Variants in UBN1 observed in about 807,000 individuals in gnomAD.
UBN1 encodes the protein ubinuclein 1, also known as ubinuclein-1.
In UBN1, 17 loss-of-function variants were observed where a neutral mutation model predicts 108.5. The ratio of observed to expected loss-of-function variants is 0.16; its 90% CI spans 0.11 to 0.24. The LOEUF is 0.24. Among genes scored for constraint, UBN1 ranks in the 10% least tolerant of loss-of-function variants. The pLI, the probability that UBN1 is intolerant of heterozygous loss-of-function variation, is 1.00. For missense variants in UBN1, 1,595 were observed against 1,394.4 expected, an observed-to-expected ratio of 1.14 and a Z score of -2.29; for synonymous variants, 726 against 564.2, an observed-to-expected ratio of 1.29 and a Z score of -4.07.
At chr16:4,868,796 A>C in intron 7 of UBN1, 37 bp from the exon 8 acceptor site, 1 of 1,607,718 alleles carries the variant, frequency 6.2e-7, no homozygotes, top group Non-Finnish European at 8.5e-7. Context: ...ATGTGGGGAA[A>C]GTGCACTAAC....
Position 4,874,969 on chromosome 16 carries a change from C to T in UBN1, c.2559C>T (p.Gly853=), listed in dbSNP as rs1460370024. Residue 853 remains glycine, a synonymous_variant, in exon 15 of 18, where the codon GGC becomes GGT. Transcript: ENST00000262376. ...TGAAGACAGCGGCCAAAGGCCAGGGCTTCCATCCCTCTGCACCAGCCACCT... is the reference window on the plus strand; with the variant it reads ...TGAAGACAGCGGCCAAAGGCCAGGGTTTCCATCCCTCTGCACCAGCCACCT... ...QLVKTAAKGQ[G]FHPSAPATSG... is the part of the protein sequence containing the mutation. The T allele has an allele frequency of 5.6e-6, 9 of 1,614,062 alleles. No individual in the cohort carries two copies. The highest frequency in any genetic ancestry group is 7.6e-6 in the Non-Finnish European group (9 of 1,180,050).
At chr16:4,870,176 A>G in intron 8 of UBN1, 36 bp from the exon 9 acceptor site, 1 of 1,613,126 alleles carries the variant, frequency 6.2e-7, no homozygotes, top group Non-Finnish European at 8.5e-7. Context: ...AGTTGCAGTG[A>G]GCTGCAGCCG....
Position 4,861,044 on chromosome 16 carries a change from C to G in UBN1, c.1052C>G (p.Ser351Cys). The change falls in exon 7 of 18, where the codon TCT (serine) becomes TGT (cysteine). Residue 351 changes from serine (S) to cysteine (C), a missense_variant. Ser to Cys is a moderately radical substitution (Grantham distance 112). Around this residue, in one of 3 missense-constraint regions of UBN1, gnomAD observed 1,398 missense variants for 1,194.7 expected, o/e 1.17. Coordinates refer to ENST00000262376, the MANE Select transcript of UBN1 (RefSeq NM_001079514.3). ...TTGGACCAGGAATTCAGGCAGCCCT[C>G]TTCTCTCCCCGAAGGCCTGCCAGCA... The part of the protein sequence containing the change: ...VGLDQEFRQP[S>C]SLPEGLPAPL... 8 of 1,614,078 alleles carry G rather than the reference C, an allele frequency of 5.0e-6. No homozygotes were observed. Among genetic ancestry groups the G allele is most frequent in the East Asian group, 2.2e-5 (1 of 44,886 alleles).
At chr16:4,859,993 A>G (rs2086984857) in intron 6 of UBN1, 25 bp downstream of exon 6, 20 of 1,613,526 alleles carry the variant, frequency 1.2e-5, no homozygotes, top group Admixed American at 1.7e-5. Context: ...CTTCTTTGCT[A>G]GGATAAAGCC....
chr16:4,865,022 AG>A, intron 7 of UBN1, among the ~76,000 whole-genome samples: 1 of 152,380 alleles, frequency 6.6e-6, no homozygotes, highest in East Asian at 1.9e-4. Flanking sequence ...GCTCATTAAA[AG>A]GCTGTTGGAA....
rs1029569514 is a variant in UBN1, at chr16:4,880,515, A to T, written c.*383A>T. The T allele has an allele frequency of 3.3e-5, 7 of 210,898 alleles. No homozygotes were observed. The highest frequency in any genetic ancestry group is 1.3e-4 in the African/African-American group (6 of 45,032). 13.1% of individuals were successfully genotyped at this position (210,898 alleles called of 1,614,324 possible). A position where few individuals can be genotyped will look rare whatever the true frequency, so the allele number is the denominator to read the frequency against. ...CTGGCATTTGGTCAGAGTACCTCAG[A>T]GCACCCCACTGCTCAGGGGCTCCTT... On this transcript the variant is annotated 3_prime_UTR_variant, in exon 18 of 18. Coordinates refer to ENST00000262376, the MANE Select transcript of UBN1 (RefSeq NM_001079514.3).
chr16:4,855,624 A>G (rs1233732552), intron 2 of UBN1, among the ~76,000 whole-genome samples: 2 of 151,522 alleles, frequency 1.3e-5, no homozygotes, highest in Non-Finnish European at 2.9e-5. Context: ...AAAAAAAAAA[A>G]AAAAGGCTGG....
intron 15 of UBN1, 114 bp downstream of exon 15, chr16:4,875,548 A>G (rs889133028): frequency 2.3e-5 from 33 of 1,423,030 alleles, no homozygotes; most frequent in Non-Finnish European, 3.1e-5. Flanking sequence ...TCAGGTAGGA[A>G]CAGTGGGCTC....
intron 7 of UBN1, among the ~76,000 whole-genome samples, chr16:4,868,223 CTG>C (rs1567929356): frequency 6.6e-6 from 1 of 152,148 alleles, no homozygotes; most frequent in African/African-American, 2.4e-5. Context: ...TGTGTGTTAA[CTG>C]TGTTCTTTTC....
At chr16:4,849,219 A>T (rs147470651) in intron 1 of UBN1, among the ~76,000 whole-genome samples, 1 of 152,234 alleles carries the variant, frequency 6.6e-6, no homozygotes, top group South Asian at 2.1e-4. Context: ...TAATAAGAAT[A>T]TATTGCCTAA....
chr16:4,859,809 G>A, intron 5 of UBN1, 56 bp from the exon 6 acceptor site: 1 of 1,609,472 alleles, frequency 6.2e-7, no homozygotes, highest in Non-Finnish European at 8.5e-7. Flanking sequence ...GCCGTGTAGT[G>A]CACTTGCTCC....
chr16:4,849,477 T>G (rs886627625), intron 1 of UBN1, among the ~76,000 whole-genome samples: 4 of 151,244 alleles, frequency 2.6e-5, no homozygotes, highest in African/African-American at 2.4e-5. Flanking sequence ...TAGAAGGAGA[T>G]ATATATATAT....
intron 3 of UBN1, 21 bp from the exon 4 acceptor site, chr16:4,858,547 T>A: frequency 6.2e-7 from 1 of 1,608,084 alleles, no homozygotes; most frequent in Non-Finnish European, 8.5e-7. Context: ...AAGCATGTAA[T>A]CTATTGCTTT....
intron 5 of UBN1, 138 bp downstream of exon 5, chr16:4,859,297 G>C (rs915161265): frequency 8.1e-7 from 1 of 1,241,794 alleles, no homozygotes; most frequent in Non-Finnish European, 1.1e-6. Context: ...CCAGGTTGAT[G>C]GCTCGCCTCT....
chr16:4,862,290 A>G (rs2142182023), intron 7 of UBN1, among the ~76,000 whole-genome samples: 1 of 152,348 alleles, frequency 6.6e-6, no homozygotes, highest in African/African-American at 2.4e-5. Context: ...CTCACTTCCA[A>G]AAAATATTTG....
In UBN1 at chr16:4,880,100, G is replaced by A. The variant is rs145831156; in HGVS notation, c.3373G>A (p.Gly1125Arg). The A allele has an allele frequency of 1.2e-4, 189 of 1,613,816 alleles. No individual in the cohort carries two copies. The highest frequency in any genetic ancestry group is 1.4e-4 in the Non-Finnish European group (168 of 1,179,976). The change falls in exon 18 of 18, where the codon GGG becomes AGG. Residue 1125 changes from glycine (G) to arginine (R), a missense_variant. Around this residue, in one of 3 missense-constraint regions of UBN1, gnomAD observed 1,398 missense variants for 1,194.7 expected, o/e 1.17. Transcript: ENST00000262376. ...TTTTCCAGGTGCTTCTCAGCTTCAC[G>A]GGAAAGGGCCTGCTGTACCACGGAA... The part of the protein sequence containing the change: ...QSLPGASQLH[G>R]KGPAVPRKL
rs1266397663 is a variant in UBN1 at position 4,877,071 on chromosome 16, A to G, written c.3225A>G (p.Thr1075=). Reference sequence around the variant, plus strand: ...GGGTCTCCAAGGATGCCATCGTCACAGGCCCTGCCCCCGGGTCCTTCCACC... The same window carrying G: ...GGGTCTCCAAGGATGCCATCGTCACGGGCCCTGCCCCCGGGTCCTTCCACC... ...KAGVSKDAIV[T]GPAPGSFHHG... Residue 1075 remains threonine, a synonymous_variant, in exon 16 of 18, where the codon ACA becomes ACG. Transcript: ENST00000262376. This position sits in a 1 kb window ranked among gnomAD's most constrained non-coding sequence, Gnocchi z 4.3. The G allele has an allele frequency of 6.2e-7, 1 of 1,613,912 alleles. No individual in the cohort carries two copies. Among genetic ancestry groups the G allele is most frequent in the Admixed American group, 1.7e-5 (1 of 59,982 alleles).
At chr16:4,868,019 A>AT (rs1376460799) in intron 7 of UBN1, among the ~76,000 whole-genome samples, 6 of 152,184 alleles carry the variant, frequency 3.9e-5, no homozygotes, top group African/African-American at 1.2e-4. Context: ...GAGAGTGTGC[A>AT]TTCCTGAATC....
At chr16:4,857,697 T>C (rs538462685) in intron 2 of UBN1, among the ~76,000 whole-genome samples, 1 of 152,234 alleles carries the variant, frequency 6.6e-6, no homozygotes, top group South Asian at 2.1e-4. Context: ...AACGTGGTTG[T>C]GTAGCGACTG....
Sources: allele counts gnomAD v4.1 joint callset (sites outside exome capture counted in the v4.1 genomes callset), GRCh38; gene constraint gnomAD v4.1.1; regional missense constraint gnomAD v4.1.1; non-coding constraint Gnocchi (gnomAD v3.1); transcripts MANE v1.5; gene names NCBI Gene and HGNC (gene_info 2026-07-23, HGNC 2026-07-21).